The following ARHGAP6 variants were observed in gnomAD, a reference collection of about 807,000 sequenced individuals.
ARHGAP6 encodes the protein Rho GTPase activating protein 6.
A neutral mutation model predicts 55.7 loss-of-function variants in ARHGAP6; 16 were observed. That is an observed-to-expected ratio of 0.29 (90% CI 0.19 to 0.44). ARHGAP6 has a LOEUF of 0.44. ARHGAP6 is among the 20% of genes least tolerant of loss of function. The probability of loss-of-function intolerance (pLI) is 1.00; values close to 1 mark genes in which losing one functional copy is unlikely to be tolerated. For synonymous variants in ARHGAP6, 382 were observed against 360.9 expected (o/e 1.06, Z -0.66); for missense variants, 698 against 808.9 (o/e 0.86, Z 1.66).
intron 1 of ARHGAP6, chrX:11,427,766 G>C (rs1280173979): frequency 1.3e-6 from 1 of 764,926 alleles, no homozygotes; most frequent in Admixed American, 8.6e-5. Flanking sequence ...CTGCCGCTGC[G>C]GAGCCGGTGG....
At chrX:11,305,691 G>C in intron 1 of ARHGAP6, among the ~76,000 whole-genome samples, 1 of 112,163 alleles carries the variant, frequency 8.9e-6, no homozygotes, top group South Asian at 3.7e-4. Context: ...GTTCTGTTCT[G>C]AGATTTGCTT....
At chrX:11,455,110 T>C (rs762522564) in intron 1 of ARHGAP6, among the ~76,000 whole-genome samples, 1 of 112,059 alleles carries the variant, frequency 8.9e-6, no homozygotes, top group East Asian at 2.8e-4. Flanking sequence ...AGAAAACATA[T>C]TCTCCAAGGC....
At chrX:11,338,979 T>C (rs1374763707) in intron 1 of ARHGAP6, among the ~76,000 whole-genome samples, 5 of 112,124 alleles carry the variant, frequency 4.5e-5, no homozygotes, top group Non-Finnish European at 9.4e-5. Context: ...GCACTCCTCA[T>C]GGCTCTGTTG....
chrX:11,568,583 C>G (rs892583381), intron 1 of ARHGAP6, among the ~76,000 whole-genome samples: 1 of 110,746 alleles, frequency 9.0e-6, no homozygotes, highest in Non-Finnish European at 1.9e-5. Context: ...ATGGCAAAAC[C>G]CTGTCTCTAC....
chrX:11,356,646 A>T (rs902996534), intron 1 of ARHGAP6, among the ~76,000 whole-genome samples: 1 of 111,247 alleles, frequency 9.0e-6, no homozygotes, highest in African/African-American at 3.3e-5. Context: ...GTTAATTTTT[A>T]AAATTTGTCT....
chrX:11,582,140 T>C (rs2051674139), intron 1 of ARHGAP6, among the ~76,000 whole-genome samples: 1 of 111,008 alleles, frequency 9.0e-6, no homozygotes, highest in Admixed American at 9.7e-5. Context: ...TATCACATTT[T>C]TACAAATGAG....
chrX:11,428,488 CCTT>C (rs1318951717), intron 1 of ARHGAP6, among the ~76,000 whole-genome samples: 1 of 112,311 alleles, frequency 8.9e-6, no homozygotes, highest in Non-Finnish European at 1.9e-5. Flanking sequence ...ACAGCCTTGT[CCTT>C]CTGTAATTTA....
chrX:11,527,301 T>C (rs1323614156), intron 1 of ARHGAP6, among the ~76,000 whole-genome samples: 3 of 111,746 alleles, frequency 2.7e-5, no homozygotes, highest in African/African-American at 9.8e-5. Context: ...GATATATGTA[T>C]AAAGATTTCA....
intron 12 of ARHGAP6, among the ~76,000 whole-genome samples, chrX:11,140,356 T>C (rs1479067516): frequency 4.0e-5 from 4 of 99,313 alleles, no homozygotes; most frequent in African/African-American, 1.5e-4. Context: ...AGGCGGAGCT[T>C]GCAGTGAGCC....
At chrX:11,362,519 G>T (rs994566356) in intron 1 of ARHGAP6, among the ~76,000 whole-genome samples, 7 of 109,781 alleles carry the variant, frequency 6.4e-5, no homozygotes, top group African/African-American at 1.0e-4. Context: ...GTGGCGGAAG[G>T]GGGGAGGGTT....
chrX:11,296,686 T>G, intron 1 of ARHGAP6: 2 of 989,979 alleles, frequency 2.0e-6, no homozygotes, highest in South Asian at 2.0e-5. Context: ...TGTGAACAAT[T>G]GCATACTGAC....
chrX:11,152,897 A>G (rs898917045), intron 10 of ARHGAP6, among the ~76,000 whole-genome samples: 1 of 111,797 alleles, frequency 8.9e-6, no homozygotes, highest in African/African-American at 3.3e-5. Flanking sequence ...GCCTATGAAA[A>G]TGAACCAGAA....
In ARHGAP6 at chrX:11,226,012, T is replaced by A. The variant is rs754397483; in HGVS notation, c.748+28536A>T. ...GGCCCCGAGAGTTTCTTTTTTTTTT[T>A]AATTATCCTTTAAGTTCTAGGGTAT... is the stretch of plus-strand genomic sequence containing the variant. On this transcript the variant is annotated intron_variant, in intron 2 of 12. Transcript: ENST00000337414. Among the ~76,000 whole-genome samples, 208 of 110,326 alleles carry A rather than the reference T, an allele frequency of 1.9e-3. 1 individual carries two copies. Among genetic ancestry groups the A allele is most frequent in the Non-Finnish European group, 2.7e-3 (141 of 52,808 alleles).
chrX:11,626,881 T>G (rs1285652033), intron 1 of ARHGAP6, among the ~76,000 whole-genome samples: 1 of 111,474 alleles, frequency 9.0e-6, no homozygotes, highest in Non-Finnish European at 1.9e-5. Context: ...AAGAAAGAGA[T>G]AAAACAGCCC....
chrX:11,382,571 T>C (rs1314480679), intron 1 of ARHGAP6, among the ~76,000 whole-genome samples: 4 of 111,833 alleles, frequency 3.6e-5, no homozygotes, highest in African/African-American at 1.3e-4. Flanking sequence ...CTCTTTATAA[T>C]TTTGTCTATC....
chrX:11,211,290 C>G (rs1425039836), intron 2 of ARHGAP6, among the ~76,000 whole-genome samples: 11 of 103,547 alleles, frequency 1.1e-4, no homozygotes, highest in Admixed American at 2.1e-4. Flanking sequence ...GGCGCGATCT[C>G]GGCTCACTGC....
chrX:11,621,748 C>T (rs1325547509), intron 1 of ARHGAP6, among the ~76,000 whole-genome samples: 1 of 110,295 alleles, frequency 9.1e-6, no homozygotes, highest in Non-Finnish European at 1.9e-5. Flanking sequence ...ACATTAATAT[C>T]CAAGAGTTTT....
chrX:11,642,242 C>G (rs1313987021), intron 1 of ARHGAP6, among the ~76,000 whole-genome samples: 1 of 111,628 alleles, frequency 9.0e-6, no homozygotes, highest in African/African-American at 3.2e-5. Context: ...AACTTGGGTG[C>G]CATCACTTAA....
rs769628196 is a variant in ARHGAP6, at chrX:11,343,807, A to G, written c.589-89100T>C. ...TGGGATAATACATACAGAGCAATTT[A>G]TGTTGAGAAATAGCTCTTTTCTTCT... On this transcript the variant is annotated intron_variant, in intron 1 of 12. Coordinates refer to ENST00000337414, the MANE Select transcript of ARHGAP6 (RefSeq NM_013427.3). 1.2e-3 allele frequency among the ~76,000 whole-genome samples: 130 copies of G among 111,827 alleles called. 1 individual carries two copies. The South Asian group carries it at 0.015, about 13-fold the overall frequency.
Sources: allele counts gnomAD v4.1 joint callset (sites outside exome capture counted in the v4.1 genomes callset), GRCh38; gene constraint gnomAD v4.1.1; transcripts MANE v1.5; gene names NCBI Gene and HGNC (gene_info 2026-07-23, HGNC 2026-07-21).